KDM2B: variants seen among roughly 807,000 people sequenced by gnomAD.
The protein encoded by KDM2B is lysine-specific demethylase 2B.
Under a neutral mutation model 150.0 loss-of-function variants are expected in KDM2B, and 26 were observed. The observed-to-expected ratio is 0.17, with a 90% CI of 0.13 to 0.24. The LOEUF (loss-of-function observed/expected upper bound fraction) is 0.24, where lower values mean the gene tolerates loss of function less well. KDM2B is among the 10% of genes least tolerant of loss of function. KDM2B has a pLI of 1.00. For synonymous variants in KDM2B, 734 were observed against 729.5 expected (o/e 1.01, Z -0.10); for missense variants, 1,265 against 1,816.9 (o/e 0.70, Z 5.52).
At chr12:121,566,207 TAGGCC>T (rs1555314905) in intron 4 of KDM2B, among the ~76,000 whole-genome samples, 1 of 152,110 alleles carries the variant, frequency 6.6e-6, no homozygotes, top group East Asian at 1.9e-4. Flanking sequence ...TAAGAACTTC[TAGGCC>T]AGGCGTGGTG....
At chr12:121,530,408 T>C (rs1555307641) in intron 8 of KDM2B, among the ~76,000 whole-genome samples, 1 of 152,122 alleles carries the variant, frequency 6.6e-6, no homozygotes, top group African/African-American at 2.4e-5. Flanking sequence ...GGTTTGTTGA[T>C]CTTAACACCC....
chr12:121,526,210 G>A (rs1343327528), intron 8 of KDM2B, among the ~76,000 whole-genome samples: 1 of 152,130 alleles, frequency 6.6e-6, no homozygotes, highest in African/African-American at 2.4e-5. Context: ...AAAATTAGCT[G>A]GGTGTGGTGG....
chr12:121,481,996 G>A (rs1882207691), intron 12 of KDM2B, among the ~76,000 whole-genome samples: 2 of 152,028 alleles, frequency 1.3e-5, no homozygotes, highest in African/African-American at 4.8e-5. Context: ...GGCCAGGCTG[G>A]TCTAGAACTC....
chr12:121,540,559 G>C (rs1417296060), intron 6 of KDM2B, among the ~76,000 whole-genome samples: 1 of 151,180 alleles, frequency 6.6e-6, no homozygotes, highest in Non-Finnish European at 1.5e-5. Context: ...GACCAGCCTG[G>C]CCAACATGGT....
At chr12:121,488,697 C>T (rs1296974434) in intron 12 of KDM2B, among the ~76,000 whole-genome samples, 1 of 152,234 alleles carries the variant, frequency 6.6e-6, no homozygotes, top group Non-Finnish European at 1.5e-5. Context: ...TCTCAGCTCA[C>T]TGAAACCTCC....
At chr12:121,439,747 C>G in intron 22 of KDM2B, 110 bp downstream of exon 22, 1 of 796,258 alleles carries the variant, frequency 1.3e-6, no homozygotes. Context: ...AACGAGACAC[C>G]TAGCACTGTG....
At chr12:121,428,786 A>G (rs1872647326), downstream of KDM2B, among the ~76,000 whole-genome samples, 1 of 152,192 alleles carries the variant, frequency 6.6e-6, no homozygotes, top group Admixed American at 6.5e-5. Flanking sequence ...TACAGCCACC[A>G]TGGCCCAAGG....
At chr12:121,503,247 G>A (rs1210870290) in intron 11 of KDM2B, among the ~76,000 whole-genome samples, 2 of 151,418 alleles carry the variant, frequency 1.3e-5, no homozygotes, top group Non-Finnish European at 2.9e-5. Context: ...CAAAGTGCTA[G>A]GATTACAGGC....
Position 121,518,468 on chromosome 12 carries a change from G to A in KDM2B, c.1047+2517C>T, listed in dbSNP as rs1252310206. On this transcript the variant is annotated intron_variant, in intron 9 of 22. Coordinates refer to ENST00000377071, the MANE Select transcript of KDM2B (RefSeq NM_032590.5). This position sits in a 1 kb window ranked among gnomAD's most constrained non-coding sequence, Gnocchi z 4.4. ...CAAGCCCCCGCTGCCAGCCTGCTTC[G>A]GTGAAACCAGATGGGGTGCCCACTC... 3.9e-5 allele frequency among the ~76,000 whole-genome samples: 6 copies of A among 152,174 alleles called. No homozygotes were observed. The highest frequency in any genetic ancestry group is 3.9e-4 in the East Asian group (2 of 5,182).
chr12:121,553,469 T>C (rs1555312163), intron 4 of KDM2B, among the ~76,000 whole-genome samples: 3 of 152,048 alleles, frequency 2.0e-5, no homozygotes, highest in African/African-American at 7.2e-5. Flanking sequence ...CCACACACTG[T>C]TAAAATTTAG....
chr12:121,483,968 C>T (rs1882453772), intron 12 of KDM2B, among the ~76,000 whole-genome samples: 1 of 152,070 alleles, frequency 6.6e-6, no homozygotes, highest in African/African-American at 2.4e-5. Context: ...CTCCCCTTGG[C>T]CAATGGGCAA....
chr12:121,442,201 T>C lies in KDM2B; in HGVS notation c.3240A>G (p.Gln1080=). The change falls in exon 19 of 23, where the codon CAA becomes CAG. Residue 1080 remains glutamine (Q), a synonymous_variant. Coordinates refer to ENST00000377071, the MANE Select transcript of KDM2B (RefSeq NM_032590.5). The surrounding 1 kb of genome is among the most constrained non-coding windows in gnomAD (Gnocchi z 7.7). The part of the protein sequence containing the change: ...WMAVFSYLSH[Q]DLCVCMRVCR... ...AGACCCGCATGCACACACACAGGTC[T>C]TGGTGGCTGAGGTAGCTGAAGACGG... The C allele has an allele frequency of 6.2e-7, 1 of 1,613,496 alleles. No homozygotes were observed. The highest frequency in any genetic ancestry group is 8.5e-7 in the Non-Finnish European group (1 of 1,180,012).
chr12:121,577,698 G>A (rs1891598160), intron 2 of KDM2B, among the ~76,000 whole-genome samples: 1 of 152,182 alleles, frequency 6.6e-6, no homozygotes, highest in South Asian at 2.1e-4. Flanking sequence ...GGGCGTGGGG[G>A]GAACAAAATA....
intron 12 of KDM2B, among the ~76,000 whole-genome samples, chr12:121,478,004 A>C (rs1261514341): frequency 6.6e-6 from 1 of 151,758 alleles, no homozygotes; most frequent in Non-Finnish European, 1.5e-5. Context: ...CAGCCTCCCA[A>C]AGTGTTGGGA....
chr12:121,504,217 T>A (rs1034082711), intron 11 of KDM2B, among the ~76,000 whole-genome samples: 1 of 152,152 alleles, frequency 6.6e-6, no homozygotes. Flanking sequence ...TGCACACCAC[T>A]ATACATGGCT....
At chr12:121,516,215 T>G (rs1428787882) in intron 9 of KDM2B, 1 of 255,824 alleles carries the variant, frequency 3.9e-6, no homozygotes, top group Non-Finnish European at 7.7e-6. Context: ...TTTTCAAATC[T>G]TTTTGACACC....
At chr12:121,478,866 T>TGTGTGTGTGTGTGTGTGTG (rs1881709324) in intron 12 of KDM2B, among the ~76,000 whole-genome samples, 1 of 131,132 alleles carries the variant, frequency 7.6e-6, no homozygotes, top group Non-Finnish European at 1.6e-5. Flanking sequence ...TTTTGTTTGT[T>TGTGTGTGTGTGTGTGTGTG]TGTGTGTGTG....
intron 4 of KDM2B, among the ~76,000 whole-genome samples, chr12:121,563,791 G>A (rs911584641): frequency 6.6e-6 from 1 of 151,930 alleles, no homozygotes; most frequent in Non-Finnish European, 1.5e-5. Context: ...CAGCTACTTG[G>A]GAGGCTGAGG....
chr12:121,462,477 C>T (rs1397638864), intron 12 of KDM2B, among the ~76,000 whole-genome samples: 1 of 152,056 alleles, frequency 6.6e-6, no homozygotes, highest in East Asian at 1.9e-4. Flanking sequence ...GGATCAGAGG[C>T]CCCTGTCTTA....
Sources: gnomAD v4.1 joint callset for allele counts (sites outside exome capture counted in the v4.1 genomes callset) on GRCh38, gnomAD v4.1.1 for gene constraint, Gnocchi (gnomAD v3.1) non-coding constraint, MANE v1.5 for transcripts, NCBI Gene and HGNC (gene_info 2026-07-23, HGNC 2026-07-21) for gene names.